ST3GAL3: variants seen among roughly 807,000 people sequenced by gnomAD.
The protein encoded by ST3GAL3 is CMP-N-acetylneuraminate-beta-1,4-galactoside alpha-2,3-sialyltransferase.
ST3GAL3 carries 21 observed loss-of-function variants against 50.1 expected under a neutral mutation model. The ratio of observed to expected loss-of-function variants is 0.42; its 90% CI spans 0.30 to 0.60. The LOEUF is 0.60. Among genes scored for constraint, ST3GAL3 ranks in the 20% least tolerant of loss-of-function variants. ST3GAL3 has a pLI of 0.19. For missense variants in ST3GAL3, 353 were observed against 489.4 expected, an observed-to-expected ratio of 0.72 and a Z score of 2.63; for synonymous variants, 183 against 190.0, an observed-to-expected ratio of 0.96 and a Z score of 0.30.
At chr1:43,874,748 G>T (rs1004147123) in intron 5 of ST3GAL3, among the ~76,000 whole-genome samples, 1 of 152,186 alleles carries the variant, frequency 6.6e-6, no homozygotes, top group Admixed American at 6.5e-5. Flanking sequence ...GTAGTGATAC[G>T]CAGCTTGTAA....
At chr1:43,714,432 C>CAAAAAAAA (rs35400929) in intron 1 of ST3GAL3, among the ~76,000 whole-genome samples, 173 of 71,676 alleles carry the variant, frequency 2.4e-3, no homozygotes, top group African/African-American at 4.4e-3. Flanking sequence ...TACTAAAATA[C>CAAAAAAAA]AAAAAAAAAA....
At chr1:43,738,689 G>A (rs1009891876) in intron 2 of ST3GAL3, 12 of 152,140 alleles carry the variant, frequency 7.9e-5, no homozygotes, top group African/African-American at 2.9e-4. Flanking sequence ...GTAGAGATGG[G>A]GTTTAGTCAT....
intron 3 of ST3GAL3, among the ~76,000 whole-genome samples, chr1:43,800,866 T>C (rs923054283): frequency 3.3e-5 from 5 of 152,236 alleles, no homozygotes; most frequent in African/African-American, 1.2e-4. Flanking sequence ...ATATTACATA[T>C]GTTTAATATA....
At chr1:43,893,247 G>A (rs2076909095) in intron 5 of ST3GAL3, among the ~76,000 whole-genome samples, 1 of 152,222 alleles carries the variant, frequency 6.6e-6, no homozygotes, top group African/African-American at 2.4e-5. Context: ...GGCCACCCCT[G>A]CAGCCTCCAG....
Position 43,899,804 on chromosome 1 carries a change from T to C in ST3GAL3, c.744+77T>C. ...CTCCTAAGCAATCCCGCCCCTTGAA[T>C]GCAGCAAAGAACGAGTAAGAACCTT... On this transcript the variant is annotated intron_variant, in intron 9 of 11. Transcript: ENST00000347631. This position sits in a 1 kb window ranked among gnomAD's most constrained non-coding sequence, Gnocchi z 5.4. 1 of 1,377,894 alleles carries C rather than the reference T, an allele frequency of 7.3e-7. No homozygotes were observed. Among genetic ancestry groups the C allele is most frequent in the Non-Finnish European group, 1.0e-6 (1 of 971,382 alleles). The allele number at this position is 1,377,894 out of a possible 1,614,324, so 85.4% of individuals were successfully genotyped here.
At chr1:43,811,067 T>G (rs1400360733) in intron 3 of ST3GAL3, among the ~76,000 whole-genome samples, 3 of 152,206 alleles carry the variant, frequency 2.0e-5, no homozygotes, top group Non-Finnish European at 4.4e-5. Context: ...CTTCATTTTG[T>G]CTCCTACTGT....
intron 4 of ST3GAL3, among the ~76,000 whole-genome samples, chr1:43,829,155 TG>T (rs1421603676): frequency 6.6e-6 from 1 of 152,030 alleles, no homozygotes; most frequent in African/African-American, 2.4e-5. Flanking sequence ...GTGTATTTTA[TG>T]AAACAGCCAC....
At chr1:43,851,247 T>G (rs1050881664) in intron 5 of ST3GAL3, 9 of 1,574,574 alleles carry the variant, frequency 5.7e-6, no homozygotes, top group Non-Finnish European at 6.1e-6. Flanking sequence ...TCAAAGAAGA[T>G]GGACGTGGCA....
At chr1:43,866,226 G>C (rs1034754905) in intron 5 of ST3GAL3, among the ~76,000 whole-genome samples, 7 of 152,238 alleles carry the variant, frequency 4.6e-5, no homozygotes, top group Admixed American at 4.6e-4. Flanking sequence ...CTGTAACAGA[G>C]AATACCTGGG....
intron 4 of ST3GAL3, among the ~76,000 whole-genome samples, chr1:43,816,163 T>A (rs964782956): frequency 6.6e-6 from 1 of 152,164 alleles, no homozygotes; most frequent in African/African-American, 2.4e-5. Flanking sequence ...CAGAATTGTG[T>A]CTCTTTCCTT....
At chr1:43,875,435 C>G (rs2073868900) in intron 5 of ST3GAL3, among the ~76,000 whole-genome samples, 1 of 151,956 alleles carries the variant, frequency 6.6e-6, no homozygotes, top group Non-Finnish European at 1.5e-5. Flanking sequence ...TTGGAGTTTA[C>G]CACTTTCTAT....
intron 5 of ST3GAL3, among the ~76,000 whole-genome samples, chr1:43,843,177 A>T (rs2065692005): frequency 6.6e-6 from 1 of 152,238 alleles, no homozygotes; most frequent in South Asian, 2.1e-4. Context: ...GGAGGAAAAG[A>T]TCTAGTCTTT....
intron 2 of ST3GAL3, among the ~76,000 whole-genome samples, chr1:43,752,223 C>T (rs145230212): frequency 2.8e-4 from 42 of 152,314 alleles, no homozygotes; most frequent in African/African-American, 9.6e-4. Flanking sequence ...AGTATTTCCA[C>T]ATTTTACAGG....
rs986554831 is a variant in ST3GAL3, at chr1:43,899,384, T to G, written c.557+121T>G. The G allele has an allele frequency of 6.9e-6, 11 of 1,593,466 alleles. No homozygotes were observed. The African/African-American group carries it at 1.5e-4, about 21-fold the overall frequency. On this transcript the variant is annotated intron_variant, in intron 8 of 11. Transcript: ENST00000347631. The surrounding 1 kb of genome is among the most constrained non-coding windows in gnomAD (Gnocchi z 5.4). ...AGGTCAACGGAAGCCTCAAGAACTC[T>G]GGGTTGGAGGGCTTTGGAACAGACA...
At chr1:43,732,718 T>C (rs1027912340) in intron 1 of ST3GAL3, among the ~76,000 whole-genome samples, 4 of 152,158 alleles carry the variant, frequency 2.6e-5, no homozygotes, top group Admixed American at 1.3e-4. Flanking sequence ...TTAAACTGTT[T>C]CTAGTATCTT....
intron 5 of ST3GAL3, chr1:43,851,012 A>G: frequency 1.2e-6 from 1 of 846,262 alleles, no homozygotes; most frequent in South Asian, 1.3e-5. Context: ...TCAAATGGGG[A>G]GGGCACCACG....
chr1:43,733,250 T>C (rs576561132), intron 1 of ST3GAL3, among the ~76,000 whole-genome samples: 3 of 152,280 alleles, frequency 2.0e-5, no homozygotes, highest in African/African-American at 7.2e-5. Context: ...GTCCTCCTAC[T>C]TCGGCCTCTC....
intron 2 of ST3GAL3, among the ~76,000 whole-genome samples, chr1:43,790,627 C>T (rs1473413612): frequency 1.6e-5 from 2 of 123,086 alleles, no homozygotes; most frequent in East Asian, 2.6e-4. Flanking sequence ...CATCATATGG[C>T]GTCTCCTTTT....
rs115590298 is a variant in ST3GAL3 at position 43,734,635 on chromosome 1, T to C, written c.-30-1598T>C. 9.5e-3 allele frequency among the ~76,000 whole-genome samples: 1,448 copies of C among 152,308 alleles called. 26 individuals are homozygous for C. The highest frequency in any genetic ancestry group is 0.034 in the African/African-American group (1,410 of 41,566). ...CACCTAACATTTTCTAATTGGTTATTGCTGGTATGGTTTTTAAGAATGTGT... is the reference window on the plus strand; with the variant it reads ...CACCTAACATTTTCTAATTGGTTATCGCTGGTATGGTTTTTAAGAATGTGT... On this transcript the variant is annotated intron_variant, in intron 1 of 11. Coordinates refer to ENST00000347631, the MANE Select transcript of ST3GAL3 (RefSeq NM_006279.5).
Sources: gnomAD v4.1 joint callset for allele counts (sites outside exome capture counted in the v4.1 genomes callset) on GRCh38, gnomAD v4.1.1 for gene constraint, Gnocchi (gnomAD v3.1) non-coding constraint, MANE v1.5 for transcripts, NCBI Gene and HGNC (gene_info 2026-07-23, HGNC 2026-07-21) for gene names.